HLTF: variants seen among roughly 807,000 people sequenced by gnomAD.
The protein encoded by HLTF is DNA-dependent ATPase/E3 ubiquitin-protein ligase HLTF.
HLTF carries 127 observed loss-of-function variants against 129.4 expected under a neutral mutation model. The ratio of observed to expected loss-of-function variants is 0.98; its 90% CI spans 0.85 to 1.14. HLTF has a LOEUF of 1.14. HLTF is among the 50% of genes most tolerant of loss of function. The pLI is 0.00. For synonymous variants in HLTF, 332 were observed against 388.8 expected, an observed-to-expected ratio of 0.85 and a Z score of 1.72; for missense variants, 1,139 against 1,187.1, an observed-to-expected ratio of 0.96 and a Z score of 0.60.
At chr3:149,063,885 G>A (rs1718149694) in intron 9 of HLTF, among the ~76,000 whole-genome samples, 1 of 152,038 alleles carries the variant, frequency 6.6e-6, no homozygotes, top group African/African-American at 2.4e-5. Flanking sequence ...GTCACCTTGT[G>A]TCACTTGGTA....
intron 16 of HLTF, 117 bp from the exon 17 acceptor site, chr3:149,048,280 A>G: frequency 6.8e-6 from 4 of 592,532 alleles, no homozygotes; most frequent in Non-Finnish European, 1.1e-5. Context: ...CAGGCTCATC[A>G]TTATCAATTA....
At chr3:149,063,204 C>T (rs372062942) in intron 10 of HLTF, 112 of 440,184 alleles carry the variant, frequency 2.5e-4, no homozygotes, top group South Asian at 1.0e-3. Flanking sequence ...GGACTACAGG[C>T]GCCCACGACC....
At position 149,046,185 on chromosome 3, in the gene HLTF, A is replaced by C; in HGVS notation, c.1967T>G (p.Leu656Trp). ...AAATACTTTACGTTCTGGTAACTCC[A>C]AAACAGGTTTTCCTTTAATTTTGCT... Reference protein sequence around the residue: ...KTSKIKGKPVLELPERKVFIQ... With the variant: ...KTSKIKGKPVWELPERKVFIQ... The change falls in exon 18 of 25, where the codon TTG becomes TGG. Residue 656 changes from leucine (L) to tryptophan (W), a missense_variant. By Grantham distance (61) the Leu-to-Trp change is moderately conservative. Transcript: ENST00000310053. 1 of 1,609,052 alleles carries C rather than the reference A, an allele frequency of 6.2e-7. No individual in the cohort carries two copies. Among genetic ancestry groups the C allele is most frequent in the East Asian group, 2.2e-5 (1 of 44,648 alleles).
At chr3:149,043,344 G>T (rs571830518) in intron 18 of HLTF, among the ~76,000 whole-genome samples, 21 of 151,400 alleles carry the variant, frequency 1.4e-4, no homozygotes, top group Non-Finnish European at 2.7e-4. Flanking sequence ...AAATGTAAAA[G>T]ATCAGAAATA....
At chr3:149,059,472 G>A in intron 13 of HLTF, 1 of 495,484 alleles carries the variant, frequency 2.0e-6, no homozygotes, top group Non-Finnish European at 3.7e-6. Context: ...AAATATCTCT[G>A]CTATTCAGAG....
At position 149,042,172 on chromosome 3, in the gene HLTF, G is replaced by A; in HGVS notation, c.2191C>T (p.Pro731Ser). The A allele has an allele frequency of 6.2e-7, 1 of 1,612,778 alleles. No homozygotes were observed. Among genetic ancestry groups the A allele is most frequent in the Non-Finnish European group, 8.5e-7 (1 of 1,179,034 alleles). ...LLTNAVSSNG[P>S]SGNDTPEELR... ...AGCAATCAAATTTACCTACCTGAGG[G>A]GCCATTGGAAGACACTGCATTTGTA... Residue 731 changes from proline (P) to serine (S), a missense_variant, in exon 19 of 25, where the codon CCC becomes TCC. Physicochemically the swap from Pro to Ser is moderately conservative, Grantham distance 74. Transcript: ENST00000310053.
chr3:149,067,571 T>C (rs1317722959), intron 8 of HLTF, among the ~76,000 whole-genome samples: 4 of 152,044 alleles, frequency 2.6e-5, no homozygotes, highest in African/African-American at 7.2e-5. Context: ...AGTGCAATCA[T>C]AGCTGACCAT....
intron 19 of HLTF, 22 bp downstream of exon 19, chr3:149,042,144 T>G: frequency 6.2e-7 from 1 of 1,606,726 alleles, no homozygotes; most frequent in Non-Finnish European, 8.5e-7. Context: ...TACAATGATA[T>G]GAAGCAATCA....
Position 149,074,260 on chromosome 3 carries a change from C to T in HLTF, c.484G>A (p.Asp162Asn). ...GKEENRKAVS[D>N]QLKKHGFKLG... Reference sequence around the variant, plus strand: ...TTAAATCCATGTTTCTTCAACTGATCTGAAACCGCTTTTCTATTTTCTTCT... The same window carrying T: ...TTAAATCCATGTTTCTTCAACTGATTTGAAACCGCTTTTCTATTTTCTTCT... Residue 162 changes from aspartate to asparagine, a missense_variant, in exon 4 of 25, where the codon GAT (aspartate) becomes AAT (asparagine). Physicochemically the swap from Asp to Asn is conservative, Grantham distance 23. Coordinates refer to ENST00000310053, the MANE Select transcript of HLTF (RefSeq NM_003071.4). 1 of 1,613,642 alleles carries T rather than the reference C, an allele frequency of 6.2e-7. No homozygotes were observed. Among genetic ancestry groups the T allele is most frequent in the Non-Finnish European group, 8.5e-7 (1 of 1,179,786 alleles).
At position 149,057,606 on chromosome 3, in the gene HLTF, A is replaced by G. The variant is rs373853705; in HGVS notation, c.1375+2112T>C. Among the ~76,000 whole-genome samples, 4 of 152,318 alleles carry G rather than the reference A, an allele frequency of 2.6e-5. 1 individual carries two copies. Among genetic ancestry groups the G allele is most frequent in the Admixed American group, 6.5e-5 (1 of 15,300 alleles). On this transcript the variant is annotated intron_variant, in intron 13 of 24. Coordinates refer to ENST00000310053, the MANE Select transcript of HLTF (RefSeq NM_003071.4). ...AATCCCTGACAAATACTGAGGGATGACTGTACTGTAATAAAACTTATGTGA... is the reference window on the plus strand; with the variant it reads ...AATCCCTGACAAATACTGAGGGATGGCTGTACTGTAATAAAACTTATGTGA...
chr3:149,074,474 G>T, intron 3 of HLTF, 126 bp from the exon 4 acceptor site: 1 of 816,246 alleles, frequency 1.2e-6, no homozygotes, highest in Non-Finnish European at 1.8e-6. Flanking sequence ...TAAGGAACTA[G>T]TTGGGCAGAC....
chr3:149,051,184 C>T (rs1165841746), intron 14 of HLTF, among the ~76,000 whole-genome samples: 3 of 150,124 alleles, frequency 2.0e-5, no homozygotes, highest in African/African-American at 7.4e-5. Context: ...CTAAGATGCT[C>T]TGATACTTGA....
chr3:149,034,542 T>C (rs1715405955), intron 24 of HLTF, among the ~76,000 whole-genome samples: 1 of 152,182 alleles, frequency 6.6e-6, no homozygotes, highest in African/African-American at 2.4e-5. Context: ...ATGTACTTAA[T>C]GCATCTAAAC....
At chr3:149,062,332 G>T (rs145870953) in intron 10 of HLTF, among the ~76,000 whole-genome samples, 74 of 152,278 alleles carry the variant, frequency 4.9e-4, no homozygotes, top group African/African-American at 1.7e-3. Context: ...TTTATGATAA[G>T]TTCAAAGTTG....
chr3:149,085,806 G>A (rs946910988), intron 1 of HLTF, among the ~76,000 whole-genome samples: 1 of 152,188 alleles, frequency 6.6e-6, no homozygotes, highest in Non-Finnish European at 1.5e-5. Context: ...GAAAAGTGAA[G>A]GGGAGTCTAC....
rs559113656 is a variant in HLTF at position 149,068,133 on chromosome 3, C to T, written c.990+107G>A. On this transcript the variant is annotated intron_variant, in intron 8 of 24. Coordinates refer to ENST00000310053, the MANE Select transcript of HLTF (RefSeq NM_003071.4). ...CATAAAAGACAGAGAGACCATTCAT[C>T]GCATTTCTGAAAACACAATTTCTTG... 4.8e-5 allele frequency: 28 copies of T among 588,076 alleles called. No homozygotes were observed. The Admixed American group carries it at 5.0e-4, about 10-fold the overall frequency. 36.4% of individuals were successfully genotyped at this position (588,076 alleles called of 1,614,324 possible).
chr3:149,062,860 G>C (rs1023472886), intron 10 of HLTF, among the ~76,000 whole-genome samples: 1 of 151,972 alleles, frequency 6.6e-6, no homozygotes, highest in African/African-American at 2.4e-5. Context: ...TGACAAAATA[G>C]AAAAAAAGTA....
In HLTF at chr3:149,039,687, C is replaced by A; in HGVS notation, c.2509G>T (p.Ala837Ser). The A allele has an allele frequency of 6.6e-7, 1 of 1,522,558 alleles. No homozygotes were observed. The highest frequency in any genetic ancestry group is 8.9e-7 in the Non-Finnish European group (1 of 1,119,492). The allele number at this position is 1,522,558 out of a possible 1,614,324, so 94.3% of individuals were successfully genotyped here. The change falls in exon 22 of 25, where the codon GCG becomes TCG. Residue 837 changes from alanine (A) to serine (S), a missense_variant. Coordinates refer to ENST00000310053, the MANE Select transcript of HLTF (RefSeq NM_003071.4). ...MEWTSSSKINALMHALTDLRK... is the reference protein window; with the variant it reads ...MEWTSSSKINSLMHALTDLRK... ...AAGTCAGTCAATGCGTGCATTAGCG[C>A]ATTAATCTGCAAAAAATATTAAGAT... is the stretch of plus-strand genomic sequence containing the variant.
chr3:149,086,338 G>T lies in HLTF; in HGVS notation c.-2C>A. 5 of 1,596,018 alleles carry T rather than the reference G, an allele frequency of 3.1e-6. No individual in the cohort carries two copies. The highest frequency in any genetic ancestry group is 1.7e-4 in the Middle Eastern group (1 of 6,048). On this transcript the variant is annotated 5_prime_UTR_variant, in exon 1 of 25. Coordinates refer to ENST00000310053, the MANE Select transcript of HLTF (RefSeq NM_003071.4). ...TCACCTCTTGAACATCCAGGACATG[G>T]CGCTGAGTGGGATGACAAGAGGAGC...
Sources: allele counts gnomAD v4.1 joint callset (sites outside exome capture counted in the v4.1 genomes callset), GRCh38; gene constraint gnomAD v4.1.1; transcripts MANE v1.5; gene names NCBI Gene and HGNC (gene_info 2026-07-23, HGNC 2026-07-21).